COL5A2: variants seen among roughly 807,000 people sequenced by gnomAD.
The protein encoded by COL5A2 is collagen type V alpha 2 chain, also known as collagen alpha-2(V) chain.
COL5A2 carries 23 observed loss-of-function variants against 208.2 expected under a neutral mutation model. The ratio of observed to expected loss-of-function variants is 0.11; its 90% CI spans 0.08 to 0.16. COL5A2 has a LOEUF of 0.16. Among genes scored for constraint, COL5A2 ranks in the 10% least tolerant of loss-of-function variants. The pLI is 1.00. For missense variants in COL5A2, 1,590 were observed against 1,956.4 expected, an observed-to-expected ratio of 0.81 and a Z score of 3.53; for synonymous variants, 625 against 628.5, an observed-to-expected ratio of 0.99 and a Z score of 0.08.
At chr2:189,133,727 G>T (rs546647285) in intron 1 of COL5A2, among the ~76,000 whole-genome samples, 2 of 152,264 alleles carry the variant, frequency 1.3e-5, no homozygotes, top group Admixed American at 6.5e-5. Context: ...CCTTACGACA[G>T]AGGGGAAGCT....
At chr2:189,109,318 C>T (rs1436631187) in intron 2 of COL5A2, among the ~76,000 whole-genome samples, 1 of 151,896 alleles carries the variant, frequency 6.6e-6, no homozygotes, top group Non-Finnish European at 1.5e-5. Context: ...TTTCTTATTA[C>T]ATTACTGAAA....
chr2:189,068,805 A>G lies in COL5A2; in HGVS notation c.1238T>C (p.Val413Ala), dbSNP rs1430271322. ...QRGETGPPGP[V>A]GSPGLPGAIG... ...ACTTACAGGAAGACCTGGAGAGCCAACTGGACCTGGGGGCCCAGTTTCACC... is the reference window on the plus strand; with the variant it reads ...ACTTACAGGAAGACCTGGAGAGCCAGCTGGACCTGGGGGCCCAGTTTCACC... Residue 413 changes from valine (V) to alanine (A), a missense_variant, in exon 19 of 54, where the codon GTT (valine) becomes GCT (alanine). Val to Ala is a moderately conservative substitution (Grantham distance 64). Coordinates refer to ENST00000374866, the MANE Select transcript of COL5A2 (RefSeq NM_000393.5). 17 of 1,613,228 alleles carry G rather than the reference A, an allele frequency of 1.1e-5. No individual in the cohort carries two copies. Among genetic ancestry groups the G allele is most frequent in the Non-Finnish European group, 1.4e-5 (17 of 1,179,682 alleles).
At chr2:189,381,505 T>A in the COL5A2 span, among the ~76,000 whole-genome samples, 2 of 152,002 alleles carry the variant, frequency 1.3e-5, no homozygotes, top group Non-Finnish European at 2.9e-5. Flanking sequence ...TGATTGGGCA[T>A]GGAAGGAAGA....
the COL5A2 span, among the ~76,000 whole-genome samples, chr2:189,276,978 A>G: frequency 6.6e-6 from 1 of 152,136 alleles, no homozygotes; most frequent in Non-Finnish European, 1.5e-5. Context: ...TCATCACTGT[A>G]GCCTAAATTG....
At chr2:189,163,014 T>C (rs764454997) in intron 1 of COL5A2, among the ~76,000 whole-genome samples, 24 of 151,980 alleles carry the variant, frequency 1.6e-4, no homozygotes, top group Non-Finnish European at 2.9e-4. Context: ...TCAAACATGA[T>C]TGCCAAGAAA....
At chr2:189,145,302 C>A (rs1453105575) in intron 1 of COL5A2, among the ~76,000 whole-genome samples, 2 of 152,046 alleles carry the variant, frequency 1.3e-5, no homozygotes, top group Non-Finnish European at 2.9e-5. Flanking sequence ...AAGAATGATA[C>A]ATTTCTTGAC....
chr2:189,150,184 T>C (rs1011676589), intron 1 of COL5A2, among the ~76,000 whole-genome samples: 1 of 152,176 alleles, frequency 6.6e-6, no homozygotes, highest in African/African-American at 2.4e-5. Flanking sequence ...CAGTCTATAA[T>C]AAGGTCAAAT....
At chr2:189,352,333 C>A in the COL5A2 span, among the ~76,000 whole-genome samples, 1 of 152,038 alleles carries the variant, frequency 6.6e-6, no homozygotes, top group Admixed American at 6.6e-5. Flanking sequence ...GAGATTGCTG[C>A]GTCAAATGGT....
intron 1 of COL5A2, among the ~76,000 whole-genome samples, chr2:189,146,964 G>GA (rs1688051333): frequency 6.6e-6 from 1 of 152,100 alleles, no homozygotes; most frequent in Non-Finnish European, 1.5e-5. Context: ...CTATATTTGT[G>GA]AAAAAGATTG....
At chr2:189,316,813 C>T in the COL5A2 span, among the ~76,000 whole-genome samples, 21 of 149,112 alleles carry the variant, frequency 1.4e-4, no homozygotes, top group Non-Finnish European at 2.8e-4. Flanking sequence ...TGAATAAGAC[C>T]TACTATTTGA....
At chr2:189,129,852 G>T (rs751413950) in intron 1 of COL5A2, among the ~76,000 whole-genome samples, 4 of 152,022 alleles carry the variant, frequency 2.6e-5, no homozygotes, top group Non-Finnish European at 5.9e-5. Flanking sequence ...GCTTACACTT[G>T]TTTGAAATTG....
intron 1 of COL5A2, among the ~76,000 whole-genome samples, chr2:189,213,784 C>G (rs1184496576): frequency 6.6e-6 from 1 of 152,196 alleles, no homozygotes; most frequent in Admixed American, 6.5e-5. Flanking sequence ...GGGATTGATA[C>G]AAAAGTAAGG....
intron 1 of COL5A2, among the ~76,000 whole-genome samples, chr2:189,172,394 AG>A (rs1372408590): frequency 6.6e-6 from 1 of 152,218 alleles, no homozygotes; most frequent in Admixed American, 6.5e-5. Flanking sequence ...ATACACCACT[AG>A]GGTTTATATC....
the COL5A2 span, among the ~76,000 whole-genome samples, chr2:189,292,924 A>G: frequency 2.0e-5 from 3 of 152,238 alleles, no homozygotes; most frequent in African/African-American, 7.2e-5. Flanking sequence ...CTATGCAGCC[A>G]TAAAAAATGA....
intron 1 of COL5A2, among the ~76,000 whole-genome samples, chr2:189,129,550 T>G (rs967385036): frequency 6.6e-6 from 1 of 152,064 alleles, no homozygotes; most frequent in Admixed American, 6.6e-5. Flanking sequence ...TTAAAATCTC[T>G]CTTTTACGTG....
At chr2:189,392,064 T>A in the COL5A2 span, among the ~76,000 whole-genome samples, 2 of 152,142 alleles carry the variant, frequency 1.3e-5, no homozygotes, top group Admixed American at 6.6e-5. Context: ...TCACTATTTT[T>A]AAAAATAAAA....
At chr2:189,435,906 T>C in the COL5A2 span, among the ~76,000 whole-genome samples, 1 of 152,106 alleles carries the variant, frequency 6.6e-6, no homozygotes, top group African/African-American at 2.4e-5. Context: ...CTATTCACAA[T>C]AGCAAAGACT....
At chr2:189,166,413 T>C (rs1184681926) in intron 1 of COL5A2, among the ~76,000 whole-genome samples, 6 of 152,036 alleles carry the variant, frequency 3.9e-5, no homozygotes, top group African/African-American at 1.4e-4. Context: ...TCCAGTGAAA[T>C]TGTCATCTTG....
intron 18 of COL5A2, 138 bp downstream of exon 18, chr2:189,071,902 A>G (rs1311429485): frequency 3.3e-6 from 2 of 598,906 alleles, no homozygotes; most frequent in Non-Finnish European, 6.0e-6. Flanking sequence ...TGTAATAATG[A>G]AAAATGAGCA....
Sources: allele counts gnomAD v4.1 joint callset (sites outside exome capture counted in the v4.1 genomes callset), GRCh38; gene constraint gnomAD v4.1.1; transcripts MANE v1.5; gene names NCBI Gene and HGNC (gene_info 2026-07-23, HGNC 2026-07-21).